PTK7: variants seen among roughly 807,000 people sequenced by gnomAD.
PTK7 encodes inactive tyrosine-protein kinase 7.
A neutral mutation model predicts 116.6 loss-of-function variants in PTK7; 39 were observed. The observed-to-expected ratio is 0.33, with a 90% CI of 0.26 to 0.44. The LOEUF (loss-of-function observed/expected upper bound fraction) is 0.44, where lower values mean the gene tolerates loss of function less well. Among genes scored for constraint, PTK7 ranks in the 20% least tolerant of loss-of-function variants. The pLI, the probability that PTK7 is intolerant of heterozygous loss-of-function variation, is 1.00. For missense variants in PTK7, 1,169 were observed against 1,425.6 expected (o/e 0.82, Z 2.90); for synonymous variants, 546 against 563.6 (o/e 0.97, Z 0.44).
intron 1 of PTK7, among the ~76,000 whole-genome samples, chr6:43,124,744 G>A (rs944190678): frequency 6.6e-6 from 1 of 152,208 alleles, no homozygotes; most frequent in Non-Finnish European, 1.5e-5. Flanking sequence ...GCCAGGCTGG[G>A]CACACCACAG....
Position 43,142,308 on chromosome 6 carries a change from T to G in PTK7, c.2047+9T>G. ...CCCCCTCTATGTCGTGGGTATGGGCTGGGGAGGGTTATGCTGCACAGGAAG... is the reference window on the plus strand; with the variant it reads ...CCCCCTCTATGTCGTGGGTATGGGCGGGGGAGGGTTATGCTGCACAGGAAG... On this transcript the variant is annotated intron_variant, in intron 13 of 19. Transcript: ENST00000230419. The G allele has an allele frequency of 6.2e-7, 1 of 1,614,014 alleles. No individual in the cohort carries two copies. The highest frequency in any genetic ancestry group is 8.5e-7 in the Non-Finnish European group (1 of 1,180,006).
At chr6:43,150,695 G>A (rs1771008265) in intron 17 of PTK7, among the ~76,000 whole-genome samples, 1 of 151,564 alleles carries the variant, frequency 6.6e-6, no homozygotes, top group Non-Finnish European at 1.5e-5. Flanking sequence ...GTTTATGATG[G>A]CCACTGAAGC....
In PTK7 at chr6:43,076,372, G is replaced by C; in HGVS notation, c.-117G>C. ...CGGGACGCCTCGGGGTCGGGCTCCG[G>C]CTGCGGCTGCTGCTGCGGCGCCCGC... On this transcript the variant is annotated 5_prime_UTR_variant, in exon 1 of 20. Coordinates refer to ENST00000230419, the MANE Select transcript of PTK7 (RefSeq NM_002821.5). This position sits in a 1 kb window ranked among gnomAD's most constrained non-coding sequence, Gnocchi z 5.7. 1 of 714,966 alleles carries C rather than the reference G, an allele frequency of 1.4e-6. No homozygotes were observed. The highest frequency in any genetic ancestry group is 1.9e-6 in the Non-Finnish European group (1 of 522,186). The allele number at this position is 714,966 out of a possible 1,614,324, so 44.3% of individuals were successfully genotyped here. A position where few individuals can be genotyped will look rare whatever the true frequency, so the allele number is the denominator to read the frequency against.
chr6:43,114,432 C>T (rs1418852379), intron 1 of PTK7, among the ~76,000 whole-genome samples: 3 of 152,032 alleles, frequency 2.0e-5, no homozygotes, highest in Non-Finnish European at 4.4e-5. Flanking sequence ...ATCTCCCTGT[C>T]TCCCTCTGTT....
At chr6:43,152,390 C>T (rs1192106392) in intron 17 of PTK7, among the ~76,000 whole-genome samples, 1 of 152,156 alleles carries the variant, frequency 6.6e-6, no homozygotes, top group Non-Finnish European at 1.5e-5. Flanking sequence ...ATTAGCCGGG[C>T]GTGGTGGCGC....
At chr6:43,085,687 A>G (rs942314528) in intron 1 of PTK7, among the ~76,000 whole-genome samples, 1 of 151,388 alleles carries the variant, frequency 6.6e-6, no homozygotes, top group Non-Finnish European at 1.5e-5. Context: ...TAATCCCAGC[A>G]CTTTGGGAGG....
At chr6:43,122,332 A>G (rs559414855) in intron 1 of PTK7, among the ~76,000 whole-genome samples, 78 of 152,000 alleles carry the variant, frequency 5.1e-4, no homozygotes, top group African/African-American at 1.7e-3. Context: ...AGAGTTTCCA[A>G]GTGGTGGGGA....
At chr6:43,124,201 C>G (rs1200873670) in intron 1 of PTK7, among the ~76,000 whole-genome samples, 1 of 152,182 alleles carries the variant, frequency 6.6e-6, no homozygotes, top group Non-Finnish European at 1.5e-5. Flanking sequence ...GTGCTGGTGA[C>G]TACATCACCT....
At chr6:43,119,360 A>G (rs1582133941) in intron 1 of PTK7, among the ~76,000 whole-genome samples, 1 of 152,172 alleles carries the variant, frequency 6.6e-6, no homozygotes, top group Non-Finnish European at 1.5e-5. Context: ...TCATTAAACT[A>G]AGGCTACAAC....
In PTK7 at chr6:43,141,043, C is replaced by T. The variant is rs1439216009; in HGVS notation, c.1619-625C>T. ...TGTTAACCAGCCACCCACCCACCCC[C>T]TTTTTTTTCATTGCTGCAATAAACA... On this transcript the variant is annotated intron_variant, in intron 10 of 19. Transcript: ENST00000230419. The surrounding 1 kb of genome is among the most constrained non-coding windows in gnomAD (Gnocchi z 4.9). Among the ~76,000 whole-genome samples, 6 of 151,850 alleles carry T rather than the reference C, an allele frequency of 4.0e-5. No individual in the cohort carries two copies. The East Asian group carries it at 1.2e-3, about 29-fold the overall frequency.
At chr6:43,114,198 G>T (rs1161079242) in intron 1 of PTK7, among the ~76,000 whole-genome samples, 2 of 152,182 alleles carry the variant, frequency 1.3e-5, no homozygotes, top group Admixed American at 6.5e-5. Flanking sequence ...TCACGTGTGC[G>T]TGCTGTTTCT....
rs1392548377 is a variant in PTK7, at chr6:43,129,143, C to A, written c.246C>A (p.Gly82=). The part of the protein sequence containing the change: ...VQDTERRFAQ[G]SSLSFAAVDR... ...ACACGGAGCGGCGTTTCGCCCAGGGCAGCAGCCTGAGCTTTGCAGCTGTGG... is the reference window on the plus strand; with the variant it reads ...ACACGGAGCGGCGTTTCGCCCAGGGAAGCAGCCTGAGCTTTGCAGCTGTGG... Residue 82 remains glycine (G), a synonymous_variant, in exon 2 of 20, where the codon GGC becomes GGA. Coordinates refer to ENST00000230419, the MANE Select transcript of PTK7 (RefSeq NM_002821.5). This position sits in a 1 kb window ranked among gnomAD's most constrained non-coding sequence, Gnocchi z 4.5. 1 of 1,614,226 alleles carries A rather than the reference C, an allele frequency of 6.2e-7. No homozygotes were observed. The highest frequency in any genetic ancestry group is 1.6e-4 in the Middle Eastern group (1 of 6,062).
At chr6:43,130,992 C>G (rs1203414222) in intron 5 of PTK7, among the ~76,000 whole-genome samples, 2 of 149,188 alleles carry the variant, frequency 1.3e-5, no homozygotes, top group African/African-American at 5.0e-5. Context: ...GTCAGGTGGT[C>G]ATAGTCTAGA....
In PTK7 at chr6:43,145,293, G is replaced by A. The variant is rs1261203034; in HGVS notation, c.2501G>A (p.Ser834Asn). The A allele has an allele frequency of 6.2e-7, 1 of 1,614,078 alleles. No individual in the cohort carries two copies. Among genetic ancestry groups the A allele is most frequent in the Non-Finnish European group, 8.5e-7 (1 of 1,179,974 alleles). ...CTGGTACTTGTGAAGAGCCTGCAGA[G>A]CAAGGATGAGCAGCAGCAGCTGGAC... ...ETLVLVKSLQ[S>N]KDEQQQLDFR... Residue 834 changes from serine (S) to asparagine (N), a missense_variant, in exon 16 of 20, where the codon AGC (serine) becomes AAC (asparagine). Physicochemically the swap from Ser to Asn is conservative, Grantham distance 46. Transcript: ENST00000230419. This position sits in a 1 kb window ranked among gnomAD's most constrained non-coding sequence, Gnocchi z 4.8.
At chr6:43,123,129 C>T (rs1348675198) in intron 1 of PTK7, among the ~76,000 whole-genome samples, 1 of 152,194 alleles carries the variant, frequency 6.6e-6, no homozygotes, top group Middle Eastern at 3.4e-3. Context: ...GGTCCTGAGA[C>T]ATCTGACGGA....
chr6:43,117,035 G>A (rs1251236831), intron 1 of PTK7, among the ~76,000 whole-genome samples: 3 of 152,002 alleles, frequency 2.0e-5, no homozygotes, highest in Non-Finnish European at 4.4e-5. Context: ...TGTTGCCCAG[G>A]CTGGTCTCAA....
chr6:43,093,111 AG>A (rs1455253111), intron 1 of PTK7, among the ~76,000 whole-genome samples: 1 of 150,332 alleles, frequency 6.7e-6, no homozygotes, highest in African/African-American at 2.4e-5. Context: ...AAGAGGAGGT[AG>A]GTGTCCCTAA....
At position 43,085,416 on chromosome 6, in the gene PTK7, T is replaced by A. The variant is rs570435673; in HGVS notation, c.79+8849T>A. Among the ~76,000 whole-genome samples the A allele has an allele frequency of 2.2e-4, 34 of 152,046 alleles. No individual in the cohort carries two copies. The East Asian group carries it at 6.7e-3, about 30-fold the overall frequency. Reference sequence around the variant, plus strand: ...GGTGCCCGCCACCATGCCCGGCTAATTTTTGTATTTTCAGTAGAGACGGAG... The same window carrying A: ...GGTGCCCGCCACCATGCCCGGCTAAATTTTGTATTTTCAGTAGAGACGGAG... On this transcript the variant is annotated intron_variant, in intron 1 of 19. Transcript: ENST00000230419.
At chr6:43,108,523 C>T (rs1768021564) in intron 1 of PTK7, among the ~76,000 whole-genome samples, 1 of 151,880 alleles carries the variant, frequency 6.6e-6, no homozygotes, top group Non-Finnish European at 1.5e-5. Flanking sequence ...TCTCAGCCTC[C>T]CAAGTAGCTG....
Sources: allele counts gnomAD v4.1 joint callset (sites outside exome capture counted in the v4.1 genomes callset), GRCh38; gene constraint gnomAD v4.1.1; non-coding constraint Gnocchi (gnomAD v3.1); transcripts MANE v1.5; gene names NCBI Gene and HGNC (gene_info 2026-07-23, HGNC 2026-07-21).